CPVL: variants seen among roughly 807,000 people sequenced by gnomAD.
CPVL encodes the protein probable serine carboxypeptidase CPVL.
A neutral mutation model predicts 63.7 loss-of-function variants in CPVL; 51 were observed. The observed-to-expected ratio is 0.80, with a 90% confidence interval of 0.64 to 1.01. The LOEUF is 1.01. CPVL is among the 50% of genes least tolerant of loss of function. The probability of loss-of-function intolerance (pLI) is 0.00; values close to 1 mark genes in which losing one functional copy is unlikely to be tolerated. For synonymous variants in CPVL, 195 were observed against 206.0 expected, an observed-to-expected ratio of 0.95 and a Z score of 0.46; for missense variants, 530 against 573.1, an observed-to-expected ratio of 0.92 and a Z score of 0.77.
At position 29,030,762 on chromosome 7, in the gene CPVL, G is replaced by A. The variant is rs146520943; in HGVS notation, c.1138-3C>T. On this transcript the variant is annotated splice_polypyrimidine_tract_variant and splice_region_variant and intron_variant, in intron 11 of 12. Coordinates refer to ENST00000265394, the MANE Select transcript of CPVL (RefSeq NM_031311.5). ...AGTTGGCCATTGTAGATCAGAACCT[G>A]AAATGAAATCAAGCCATCAGCAAAT... is the stretch of plus-strand genomic sequence containing the variant. 1 of 1,596,168 alleles carries A rather than the reference G, an allele frequency of 6.3e-7. No homozygotes were observed. Among genetic ancestry groups the A allele is most frequent in the African/African-American group, 1.4e-5 (1 of 73,932 alleles).
At chr7:29,100,233 C>T (rs559678481) in intron 3 of CPVL, among the ~76,000 whole-genome samples, 2 of 152,300 alleles carry the variant, frequency 1.3e-5, no homozygotes, top group African/African-American at 4.8e-5. Context: ...CACTTCCTTC[C>T]TAAACTACAT....
intron 1 of CPVL, among the ~76,000 whole-genome samples, chr7:29,142,596 G>A (rs1027881512): frequency 6.9e-5 from 10 of 144,006 alleles, no homozygotes; most frequent in Non-Finnish European, 1.3e-4. Context: ...GTGCAATCTC[G>A]GTTCACTGGA....
At chr7:29,096,846 G>A (rs1166341368) in intron 3 of CPVL, among the ~76,000 whole-genome samples, 8 of 152,168 alleles carry the variant, frequency 5.3e-5, no homozygotes, top group African/African-American at 1.7e-4. Flanking sequence ...TTAGCCAGGC[G>A]TGGTGGCACA....
intron 1 of CPVL, among the ~76,000 whole-genome samples, chr7:29,129,509 C>T (rs970954309): frequency 1.2e-4 from 18 of 147,144 alleles, no homozygotes; most frequent in Non-Finnish European, 2.1e-4. Flanking sequence ...CTCGCTCGGT[C>T]GCCAGGGTGG....
intron 3 of CPVL, among the ~76,000 whole-genome samples, chr7:29,097,044 A>G (rs1416806402): frequency 6.6e-6 from 1 of 152,084 alleles, no homozygotes; most frequent in African/African-American, 2.4e-5. Flanking sequence ...AACTTCATTC[A>G]ACATGGTGGA....
chr7:29,114,150 G>A (rs1243662025), intron 2 of CPVL, among the ~76,000 whole-genome samples: 1 of 152,154 alleles, frequency 6.6e-6, no homozygotes, highest in Non-Finnish European at 1.5e-5. Flanking sequence ...AACACTCAAG[G>A]GAATAGATGC....
intron 1 of CPVL, among the ~76,000 whole-genome samples, chr7:29,128,714 C>A (rs75985274): frequency 1.6e-4 from 21 of 133,384 alleles, no homozygotes; most frequent in South Asian, 5.2e-4. Context: ...GACTCTGTCT[C>A]AAAAAAAAAA....
chr7:29,105,020 TA>T (rs1377373250), intron 3 of CPVL, among the ~76,000 whole-genome samples: 1 of 152,218 alleles, frequency 6.6e-6, no homozygotes, highest in East Asian at 1.9e-4. Context: ...CTGATGCCAT[TA>T]AGTACGTAGC....
chr7:29,157,312 C>G (rs1196481601), intron 5 of CPVL, among the ~76,000 whole-genome samples: 2 of 152,016 alleles, frequency 1.3e-5, no homozygotes, highest in Non-Finnish European at 2.9e-5. Flanking sequence ...TAATCAACCT[C>G]AAAATTGCAA....
At position 29,159,126 on chromosome 7, in the gene CPVL, G is replaced by C. The variant is rs188362300; in HGVS notation, c.-11+22164C>G. On this transcript the variant is annotated intron_variant, in intron 5 of 16. Coordinates refer to the CPVL transcript ENST00000409850. ...CCTAATGGGCTACACAGCACAAGGA[G>C]CCCTCCCAGAGCCAGTGAGAAAGCA... Among the ~76,000 whole-genome samples, 168 of 152,298 alleles carry C rather than the reference G, an allele frequency of 1.1e-3. 1 individual carries two copies. The highest frequency in any genetic ancestry group is 3.8e-3 in the African/African-American group (159 of 41,572).
rs749712880 is a variant in CPVL at position 29,121,007 on chromosome 7, G to A, written c.55C>T (p.Pro19Ser). The stretch of plus-strand genomic sequence containing the variant: ...AGGGAGCGAAACAGCCCATCACAGG[G>A]GCCAGGCATCAACAGGACCAGCGAA... ...IVSLVLLMPG[P>S]CDGLFRSLYR... Residue 19 changes from proline to serine, a missense_variant, in exon 2 of 13, where the codon CCC (proline) becomes TCC (serine). Coordinates refer to ENST00000265394, the MANE Select transcript of CPVL (RefSeq NM_031311.5). 4.3e-6 allele frequency: 7 copies of A among 1,612,696 alleles called. No individual in the cohort carries two copies. Among genetic ancestry groups the A allele is most frequent in the Admixed American group, 3.3e-5 (2 of 59,764 alleles).
intron 1 of CPVL, among the ~76,000 whole-genome samples, chr7:29,140,157 C>T (rs925775201): frequency 2.0e-5 from 3 of 152,134 alleles, no homozygotes; most frequent in Non-Finnish European, 4.4e-5. Context: ...ATGCAGGCCT[C>T]GGCTGGACAC....
intron 1 of CPVL, among the ~76,000 whole-genome samples, chr7:29,138,873 C>T (rs1431572633): frequency 6.6e-6 from 1 of 152,184 alleles, no homozygotes; most frequent in African/African-American, 2.4e-5. Context: ...CTGATCCCTC[C>T]TTCGACTCAT....
intron 2 of CPVL, 55 bp downstream of exon 2, chr7:29,120,838 A>AAAC: frequency 7.2e-7 from 1 of 1,396,616 alleles, no homozygotes; most frequent in Non-Finnish European, 9.8e-7. Context: ...AAAAAAAAAA[A>AAAC]GAGAAACTGT....
chr7:29,084,357 G>T lies in CPVL; in HGVS notation c.609+2127C>A, dbSNP rs553655823. 5.3e-5 allele frequency among the ~76,000 whole-genome samples: 8 copies of T among 152,274 alleles called. No homozygotes were observed. The South Asian group carries it at 1.7e-3, about 32-fold the overall frequency. On this transcript the variant is annotated intron_variant, in intron 7 of 12. Coordinates refer to ENST00000265394, the MANE Select transcript of CPVL (RefSeq NM_031311.5). ...CAGGAAAGCTCTTCTTACAGATACT[G>T]CAGAAATTACCCCACCACATCATTC...
At chr7:29,053,907 A>G (rs1173933265) in intron 11 of CPVL, among the ~76,000 whole-genome samples, 2 of 150,826 alleles carry the variant, frequency 1.3e-5, no homozygotes, top group African/African-American at 4.9e-5. Flanking sequence ...AAAAAAAAAG[A>G]AAGAAAAAAG....
Position 29,164,391 on chromosome 7 carries a change from C to A in CPVL, c.-11+16899G>T, listed in dbSNP as rs906486972. Among the ~76,000 whole-genome samples the A allele has an allele frequency of 3.3e-5, 5 of 151,858 alleles. No homozygotes were observed. The South Asian group carries it at 8.3e-4, about 25-fold the overall frequency. On this transcript the variant is annotated intron_variant, in intron 5 of 16. Transcript: ENST00000409850. ...GGTTTATTTTATATAAAATGCAAAC[C>A]CTTCATAAAATATATATTTTGCAGA...
chr7:29,052,997 G>A (rs1790355296), intron 11 of CPVL, among the ~76,000 whole-genome samples: 1 of 152,004 alleles, frequency 6.6e-6, no homozygotes. Flanking sequence ...AATAGGCAAA[G>A]TATTTGGATA....
chr7:29,123,656 T>TAC (rs1356703368), intron 1 of CPVL, among the ~76,000 whole-genome samples: 10 of 106,238 alleles, frequency 9.4e-5, no homozygotes, highest in African/African-American at 2.6e-4. Context: ...TATATATATA[T>TAC]GCAATATTAA....
Sources: gnomAD v4.1 joint callset for allele counts (sites outside exome capture counted in the v4.1 genomes callset) on GRCh38, gnomAD v4.1.1 for gene constraint, MANE v1.5 for transcripts, NCBI Gene and HGNC (gene_info 2026-07-23, HGNC 2026-07-21) for gene names.